Variants in FAM114A1 observed in about 807,000 individuals in gnomAD.
FAM114A1 encodes the protein family with sequence similarity 114 member A1.
A neutral mutation model predicts 64.3 loss-of-function variants in FAM114A1; 62 were observed. The ratio of observed to expected loss-of-function variants is 0.96; its 90% CI spans 0.79 to 1.19. The LOEUF (loss-of-function observed/expected upper bound fraction) is 1.19. FAM114A1 is among the 50% of genes most tolerant of loss of function. The pLI, the probability that FAM114A1 is intolerant of heterozygous loss-of-function variation, is 0.00. For synonymous variants in FAM114A1, 254 were observed against 251.1 expected, an observed-to-expected ratio of 1.01 and a Z score of -0.11; for missense variants, 645 against 676.3, an observed-to-expected ratio of 0.95 and a Z score of 0.51.
chr4:38,886,050 T>C (rs140842847), intron 3 of FAM114A1, among the ~76,000 whole-genome samples: 50 of 151,336 alleles, frequency 3.3e-4, no homozygotes, highest in Middle Eastern at 3.4e-3. Context: ...CTAAAATGAG[T>C]CCGTGGCTTT....
intron 7 of FAM114A1, 22 bp downstream of exon 7, chr4:38,908,748 A>T (rs1560310488): frequency 1.3e-6 from 2 of 1,519,882 alleles, no homozygotes; most frequent in East Asian, 2.3e-5. Context: ...TACGTTTGCA[A>T]TTTTTTCTTT....
intron 3 of FAM114A1, among the ~76,000 whole-genome samples, chr4:38,885,664 C>G (rs1006982837): frequency 2.6e-5 from 4 of 152,142 alleles, no homozygotes; most frequent in African/African-American, 9.7e-5. Flanking sequence ...CCAATTAAAA[C>G]CCATTTTTGC....
intron 7 of FAM114A1, among the ~76,000 whole-genome samples, chr4:38,909,544 A>G (rs557721885): frequency 6.8e-6 from 1 of 146,778 alleles, no homozygotes; most frequent in African/African-American, 2.8e-5. Flanking sequence ...TGGAAATAAT[A>G]TTAGTCTTGT....
chr4:38,931,748 C>G, intron 11 of FAM114A1, 136 bp downstream of exon 11: 1 of 857,216 alleles, frequency 1.2e-6, no homozygotes, highest in Non-Finnish European at 1.7e-6. Context: ...TGAGACCAGC[C>G]TGGCCAACAT....
chr4:38,917,989 G>C (rs1260481926), intron 8 of FAM114A1, among the ~76,000 whole-genome samples: 3 of 151,992 alleles, frequency 2.0e-5, no homozygotes, highest in African/African-American at 7.3e-5. Context: ...AGCTGAGACA[G>C]GCGGATCACC....
chr4:38,942,878 G>A (rs1180537715), intron 14 of FAM114A1, among the ~76,000 whole-genome samples: 1 of 108,350 alleles, frequency 9.2e-6, no homozygotes, highest in Non-Finnish European at 1.9e-5. Context: ...GACATACCCT[G>A]GGCCAAGAAA....
rs554734104 is a variant in FAM114A1 at position 38,905,735 on chromosome 4, G to A, written c.551-20G>A. On this transcript the variant is annotated intron_variant, in intron 5 of 14. Coordinates refer to ENST00000358869, the MANE Select transcript of FAM114A1 (RefSeq NM_138389.4). Reference sequence around the variant, plus strand: ...AGATCAGCGACGTGAACTCTTAAAGGATTTCTTTTTTCTCTTTAGTAACAG... The same window carrying A: ...AGATCAGCGACGTGAACTCTTAAAGAATTTCTTTTTTCTCTTTAGTAACAG... 1 of 1,611,476 alleles carries A rather than the reference G, an allele frequency of 6.2e-7. No individual in the cohort carries two copies. The highest frequency in any genetic ancestry group is 2.2e-5 in the East Asian group (1 of 44,866).
intron 12 of FAM114A1, among the ~76,000 whole-genome samples, chr4:38,934,669 G>A (rs1263342730): frequency 6.6e-6 from 1 of 152,108 alleles, no homozygotes; most frequent in African/African-American, 2.4e-5. Context: ...CATCCATAGT[G>A]TTAGGATAAA....
intron 9 of FAM114A1, among the ~76,000 whole-genome samples, chr4:38,927,086 C>A (rs868504508): frequency 3.9e-5 from 6 of 152,188 alleles, no homozygotes; most frequent in Non-Finnish European, 4.4e-5. Flanking sequence ...ACCAGGCATA[C>A]TCCCTCCTGG....
In FAM114A1 at chr4:38,944,720, G is replaced by A. The variant is rs574207854; in HGVS notation, c.*1163G>A. The A allele has an allele frequency of 6.6e-6, 1 of 152,272 alleles. No individual in the cohort carries two copies. The highest frequency in any genetic ancestry group is 1.5e-5 in the Non-Finnish European group (1 of 68,048). 9.4% of individuals were successfully genotyped at this position (152,272 alleles called of 1,614,324 possible). On this transcript the variant is annotated 3_prime_UTR_variant, in exon 15 of 15. Coordinates refer to ENST00000358869, the MANE Select transcript of FAM114A1 (RefSeq NM_138389.4). ...CCCTGTTGTGAACTGCACATGCGAGGGATCTAGGTTGTGCACTCCTTATGA... is the reference window on the plus strand; with the variant it reads ...CCCTGTTGTGAACTGCACATGCGAGAGATCTAGGTTGTGCACTCCTTATGA...
chr4:38,869,826 C>T (rs1291830168), intron 2 of FAM114A1, among the ~76,000 whole-genome samples: 2 of 151,898 alleles, frequency 1.3e-5, no homozygotes, highest in African/African-American at 4.8e-5. Flanking sequence ...CATCCACTGT[C>T]ACTATTTCAT....
At chr4:38,917,187 A>AATAAATAAATAT (rs1248683718) in intron 8 of FAM114A1, among the ~76,000 whole-genome samples, 2 of 150,872 alleles carry the variant, frequency 1.3e-5, no homozygotes, top group East Asian at 3.9e-4. Context: ...TAAATAAATA[A>AATAAATAAATAT]AAAAGCTGGG....
Position 38,915,038 on chromosome 4 carries a change from G to A in FAM114A1, c.910G>A (p.Ala304Thr), listed in dbSNP as rs1309200587. 1 of 1,614,170 alleles carries A rather than the reference G, an allele frequency of 6.2e-7. No individual in the cohort carries two copies. Among genetic ancestry groups the A allele is most frequent in the Non-Finnish European group, 8.5e-7 (1 of 1,180,004 alleles). The change falls in exon 8 of 15, where the codon GCC (alanine) becomes ACC (threonine). Residue 304 changes from alanine (A) to threonine (T), a missense_variant. Ala to Thr is a moderately conservative substitution (Grantham distance 58, BLOSUM62 0). Transcript: ENST00000358869. ...DEYQGLSHLE[A>T]LEILSNESES... ...ATATCAAGGCTTGTCACACCTGGAA[G>A]CCCTGGAAATTCTGTCCAATGAAAG...
chr4:38,915,873 A>G (rs913808977), intron 8 of FAM114A1, among the ~76,000 whole-genome samples: 8 of 151,962 alleles, frequency 5.3e-5, no homozygotes, highest in African/African-American at 1.9e-4. Context: ...TTAACTGTAT[A>G]TATGTGGCTG....
chr4:38,905,101 G>C (rs1560306840), intron 4 of FAM114A1, among the ~76,000 whole-genome samples: 1 of 152,010 alleles, frequency 6.6e-6, no homozygotes, highest in South Asian at 2.1e-4. Flanking sequence ...TTTCAATCAG[G>C]ATGTACTTCT....
In FAM114A1 at chr4:38,872,034, G is replaced by A. The variant is rs550803524; in HGVS notation, c.-9+3488G>A. Among the ~76,000 whole-genome samples the A allele has an allele frequency of 7.9e-5, 12 of 152,328 alleles. No homozygotes were observed. In the South Asian group the frequency reaches 1.9e-3, roughly 24 times the overall value. On this transcript the variant is annotated intron_variant, in intron 2 of 14. Coordinates refer to ENST00000358869, the MANE Select transcript of FAM114A1 (RefSeq NM_138389.4). ...ATAGAAGCAGAGAAGGCACCTGTAC[G>A]TTATTTCTTGTCGATCCACATACCT... is the stretch of plus-strand genomic sequence containing the variant.
chr4:38,905,413 A>G (rs1487412459), intron 4 of FAM114A1, 109 bp from the exon 5 acceptor site: 5 of 835,470 alleles, frequency 6.0e-6, no homozygotes, highest in Non-Finnish European at 9.6e-6. Context: ...AAAAAAAAAA[A>G]AAGAAAGATG....
At chr4:38,928,306 A>C in intron 9 of FAM114A1, among the ~76,000 whole-genome samples, 1 of 152,194 alleles carries the variant, frequency 6.6e-6, no homozygotes, top group East Asian at 1.9e-4. Context: ...ATTCTCCCCC[A>C]AACTGGTAAT....
intron 13 of FAM114A1, 121 bp downstream of exon 13, chr4:38,935,911 G>A: frequency 1.4e-6 from 1 of 718,322 alleles, no homozygotes; most frequent in Non-Finnish European, 2.4e-6. Context: ...CATGATGTAA[G>A]CTGAAGTCAG....
Sources: allele counts gnomAD v4.1 joint callset (sites outside exome capture counted in the v4.1 genomes callset), GRCh38; gene constraint gnomAD v4.1.1; transcripts MANE v1.5; gene names NCBI Gene and HGNC (gene_info 2026-07-23, HGNC 2026-07-21).